The following RAB2A variants were observed in gnomAD, a reference collection of about 807,000 sequenced individuals.
RAB2A encodes the protein ras-related protein Rab-2A.
RAB2A carries 7 observed loss-of-function variants against 32.5 expected under a neutral mutation model. The ratio of observed to expected loss-of-function variants is 0.22; its 90% CI spans 0.12 to 0.40. The LOEUF is 0.40. RAB2A is among the 10% of genes least tolerant of loss of function. The pLI, the probability that RAB2A is intolerant of heterozygous loss-of-function variation, is 1.00. For missense variants in RAB2A, 108 were observed against 260.7 expected (o/e 0.41, Z 4.03); for synonymous variants, 79 against 85.2 (o/e 0.93, Z 0.40).
intron 2 of RAB2A, among the ~76,000 whole-genome samples, chr8:60,559,576 A>C (rs944308002): frequency 6.6e-6 from 1 of 152,228 alleles, no homozygotes; most frequent in Admixed American, 6.5e-5. Context: ...GCAAAGGAAA[A>C]AATTAAGATG....
At chr8:60,542,951 ATC>A (rs1485551824) in intron 1 of RAB2A, among the ~76,000 whole-genome samples, 1 of 152,186 alleles carries the variant, frequency 6.6e-6, no homozygotes, top group East Asian at 1.9e-4. Flanking sequence ...TTGAATAACT[ATC>A]TCTTCTCTTC....
chr8:60,598,013 C>T (rs980141314), intron 6 of RAB2A, among the ~76,000 whole-genome samples: 1 of 152,170 alleles, frequency 6.6e-6, no homozygotes, highest in African/African-American at 2.4e-5. Context: ...GCCTGGGCAA[C>T]ATGGTGAAAC....
chr8:60,612,675 C>T (rs533961195), intron 6 of RAB2A, among the ~76,000 whole-genome samples: 71 of 152,284 alleles, frequency 4.7e-4, no homozygotes, highest in Admixed American at 2.6e-4. Context: ...TTGGGCAAGT[C>T]GTTTCTCCTT....
At chr8:60,585,953 CTT>C (rs1348223160) in intron 5 of RAB2A, among the ~76,000 whole-genome samples, 1 of 152,138 alleles carries the variant, frequency 6.6e-6, no homozygotes, top group Non-Finnish European at 1.5e-5. Context: ...TCTCTGCAGT[CTT>C]TGAAAATGTG....
chr8:60,573,499 A>G (rs1407728334), intron 3 of RAB2A, among the ~76,000 whole-genome samples: 1 of 152,052 alleles, frequency 6.6e-6, no homozygotes, highest in Non-Finnish European at 1.5e-5. Context: ...ATAACCGTAC[A>G]TCTCTGTCTT....
intron 1 of RAB2A, among the ~76,000 whole-genome samples, chr8:60,558,201 A>T (rs1807967445): frequency 6.6e-6 from 1 of 152,200 alleles, no homozygotes; most frequent in Non-Finnish European, 1.5e-5. Flanking sequence ...TTCTTAGAGG[A>T]CTTGAAAATG....
At chr8:60,547,822 G>A (rs1807765230) in intron 1 of RAB2A, among the ~76,000 whole-genome samples, 2 of 122,664 alleles carry the variant, frequency 1.6e-5, no homozygotes, top group East Asian at 2.7e-4. Flanking sequence ...CGGCTGGCCG[G>A]GCGGGGGGCT....
chr8:60,573,613 C>T (rs915794496), intron 3 of RAB2A, among the ~76,000 whole-genome samples: 1 of 152,198 alleles, frequency 6.6e-6, no homozygotes, highest in Non-Finnish European at 1.5e-5. Context: ...GGATTTCCCA[C>T]ATGAGCCTAA....
In RAB2A at chr8:60,620,892, C is replaced by T. The variant is rs928000021; in HGVS notation, c.*123C>T. ...GCTTTATGTCACAGAAGACTTTAAT[C>T]CGTCAAATTCTTGTATAACTTTGAA... is the stretch of plus-strand genomic sequence containing the variant. On this transcript the variant is annotated 3_prime_UTR_variant, in exon 8 of 8. Transcript: ENST00000262646. The T allele has an allele frequency of 2.5e-5, 18 of 721,640 alleles. No homozygotes were observed. In the African/African-American group the frequency reaches 3.1e-4, roughly 13 times the overall value. The allele number at this position is 721,640 out of a possible 1,614,324, so 44.7% of individuals were successfully genotyped here. A position where few individuals can be genotyped will look rare whatever the true frequency, so the allele number is the denominator to read the frequency against.
intron 1 of RAB2A, among the ~76,000 whole-genome samples, chr8:60,534,429 T>A (rs1475359645): frequency 1.3e-5 from 2 of 151,914 alleles, no homozygotes; most frequent in Non-Finnish European, 2.9e-5. Context: ...TGCCTGTGAA[T>A]AGCCACTGCC....
intron 1 of RAB2A, among the ~76,000 whole-genome samples, chr8:60,553,354 A>C (rs1184940043): frequency 6.6e-6 from 1 of 152,158 alleles, no homozygotes; most frequent in Non-Finnish European, 1.5e-5. Flanking sequence ...AAGTCAGCTG[A>C]TTATGGATTT....
intron 1 of RAB2A, among the ~76,000 whole-genome samples, chr8:60,547,707 ACC>A (rs1287567066): frequency 1.5e-5 from 1 of 64,632 alleles, no homozygotes; most frequent in African/African-American, 6.1e-5. Flanking sequence ...GGGGGGGCTG[ACC>A]CCCCCACCTC....
Position 60,620,799 on chromosome 8 carries a change from G to A in RAB2A, c.*30G>A. On this transcript the variant is annotated 3_prime_UTR_variant, in exon 8 of 8. Transcript: ENST00000262646. The stretch of plus-strand genomic sequence containing the variant: ...GTTTTTACTGTCTAGCTGCCCAACG[G>A]GGCCTACTCACTTATTCTTTCACCC... 6.3e-7 allele frequency: 1 copy of A among 1,582,060 alleles called. No homozygotes were observed. The highest frequency in any genetic ancestry group is 1.4e-5 in the African/African-American group (1 of 73,496).
chr8:60,570,570 A>G (rs1268323439), intron 2 of RAB2A, among the ~76,000 whole-genome samples: 2 of 152,186 alleles, frequency 1.3e-5, no homozygotes, highest in Non-Finnish European at 2.9e-5. Flanking sequence ...TTATGAATCT[A>G]TATGCATATG....
At chr8:60,543,718 G>A (rs985481279) in intron 1 of RAB2A, among the ~76,000 whole-genome samples, 3 of 152,074 alleles carry the variant, frequency 2.0e-5, no homozygotes, top group East Asian at 1.9e-4. Flanking sequence ...GATAATGTAC[G>A]GCGAACCAAC....
At chr8:60,527,837 T>C (rs1008214683) in intron 1 of RAB2A, among the ~76,000 whole-genome samples, 8 of 152,190 alleles carry the variant, frequency 5.3e-5, no homozygotes, top group African/African-American at 1.9e-4. Flanking sequence ...TAATACAGTA[T>C]AGCGAGTGTA....
Position 60,517,059 on chromosome 8 carries a change from A to G in RAB2A, c.-149A>G, listed in dbSNP as rs1807216223. 1.3e-5 allele frequency: 9 copies of G among 710,774 alleles called. No homozygotes were observed. The highest frequency in any genetic ancestry group is 1.9e-5 in the Non-Finnish European group (9 of 466,840). The allele number at this position is 710,774 out of a possible 1,614,324, so 44.0% of individuals were successfully genotyped here. A position where few individuals can be genotyped will look rare whatever the true frequency, so the allele number is the denominator to read the frequency against. On this transcript the variant is annotated 5_prime_UTR_variant, in exon 1 of 8. Coordinates refer to ENST00000262646, the MANE Select transcript of RAB2A (RefSeq NM_002865.3). ...GTGTCAGTTCGTCCGGCTTCCTCAC[A>G]GCCCCTCACTCCCGGCGGCTGACAG...
rs1245119291 is a variant in RAB2A at position 60,621,162 on chromosome 8, T to C, written c.*393T>C. On this transcript the variant is annotated 3_prime_UTR_variant, in exon 8 of 8. Coordinates refer to ENST00000262646, the MANE Select transcript of RAB2A (RefSeq NM_002865.3). ...ATATTATAGAACTGTCCTCAGAAAC[T>C]TTGTCAATTTTCACGGCTATAAGGA... 6.4e-6 allele frequency: 1 copy of C among 156,488 alleles called. No homozygotes were observed. Among genetic ancestry groups the C allele is most frequent in the Non-Finnish European group, 1.4e-5 (1 of 71,900 alleles). 9.7% of individuals were successfully genotyped at this position (156,488 alleles called of 1,614,324 possible). A position where few individuals can be genotyped will look rare whatever the true frequency, so the allele number is the denominator to read the frequency against.
rs774263355 is a variant in RAB2A, at chr8:60,572,127, A to G, written c.186+14A>G. The G allele has an allele frequency of 6.4e-7, 1 of 1,559,622 alleles. No individual in the cohort carries two copies. Among genetic ancestry groups the G allele is most frequent in the Non-Finnish European group, 8.8e-7 (1 of 1,135,122 alleles). On this transcript the variant is annotated intron_variant, in intron 3 of 7. Coordinates refer to ENST00000262646, the MANE Select transcript of RAB2A (RefSeq NM_002865.3). ...ATATGGGATACGGTAAGTATAGGAA[A>G]AGTGCACTGTATGATCTCAGTAAAG...
Sources: gnomAD v4.1 joint callset for allele counts (sites outside exome capture counted in the v4.1 genomes callset) on GRCh38, gnomAD v4.1.1 for gene constraint, MANE v1.5 for transcripts, NCBI Gene and HGNC (gene_info 2026-07-23, HGNC 2026-07-21) for gene names.